Variants in RORB observed in about 807,000 individuals in gnomAD.
The protein encoded by RORB is nuclear receptor ROR-beta.
In RORB, 6 loss-of-function variants were observed where a neutral mutation model predicts 59.1. The ratio of observed to expected loss-of-function variants is 0.10; its 90% CI spans 0.06 to 0.20. The LOEUF is 0.20. Among genes scored for constraint, RORB ranks in the 10% least tolerant of loss-of-function variants. The pLI, the probability that RORB is intolerant of heterozygous loss-of-function variation, is 1.00. For missense variants in RORB, 320 were observed against 560.5 expected (o/e 0.57, Z 4.33); for synonymous variants, 215 against 204.5 (o/e 1.05, Z -0.44).
chr9:74,566,867 G>A (rs1473020314), intron 1 of RORB, among the ~76,000 whole-genome samples: 3 of 152,180 alleles, frequency 2.0e-5, no homozygotes, highest in African/African-American at 7.2e-5. Context: ...AATCAGAGAT[G>A]TCATTAGTAT....
intron 1 of RORB, among the ~76,000 whole-genome samples, chr9:74,592,125 C>T (rs920591590): frequency 1.3e-5 from 2 of 152,116 alleles, no homozygotes; most frequent in African/African-American, 4.8e-5. Context: ...CTTGGATCTC[C>T]TTGGAACCCT....
At chr9:74,677,453 A>C (rs535786562) in intron 9 of RORB, among the ~76,000 whole-genome samples, 29 of 152,358 alleles carry the variant, frequency 1.9e-4, no homozygotes, top group Non-Finnish European at 4.0e-4. Flanking sequence ...TATTTTAGGT[A>C]CTTTGAGTTA....
At chr9:74,550,501 T>G (rs1370240003) in intron 1 of RORB, among the ~76,000 whole-genome samples, 1 of 152,244 alleles carries the variant, frequency 6.6e-6, no homozygotes, top group African/African-American at 2.4e-5. Context: ...TGAGAAATAC[T>G]TTTCCATTAG....
At chr9:74,537,344 A>G (rs1001870883) in intron 1 of RORB, among the ~76,000 whole-genome samples, 24 of 152,058 alleles carry the variant, frequency 1.6e-4, no homozygotes, top group African/African-American at 5.8e-4. Context: ...TTTTCTGCAT[A>G]TGGCTTTCTA....
chr9:74,553,079 C>A (rs1826637339), intron 1 of RORB, among the ~76,000 whole-genome samples: 1 of 151,960 alleles, frequency 6.6e-6, no homozygotes, highest in South Asian at 2.1e-4. Context: ...GGGGAAGGAG[C>A]CTTGATAAAG....
At chr9:74,574,378 T>C (rs1465797681) in intron 1 of RORB, among the ~76,000 whole-genome samples, 1 of 152,156 alleles carries the variant, frequency 6.6e-6, no homozygotes, top group Non-Finnish European at 1.5e-5. Flanking sequence ...TTCAAGATGG[T>C]TTACTTCAAT....
intron 1 of RORB, among the ~76,000 whole-genome samples, chr9:74,590,707 C>T (rs1197924981): frequency 6.6e-6 from 1 of 152,238 alleles, no homozygotes; most frequent in East Asian, 1.9e-4. Context: ...ATTTTGCAGA[C>T]ATACATCGTT....
chr9:74,574,298 C>T (rs1440135772), intron 1 of RORB, among the ~76,000 whole-genome samples: 1 of 152,112 alleles, frequency 6.6e-6, no homozygotes, highest in African/African-American at 2.4e-5. Flanking sequence ...AAAGTATGAT[C>T]TTAATTGACA....
At chr9:74,506,199 G>A (rs183937718) in intron 1 of RORB, among the ~76,000 whole-genome samples, 1 of 152,106 alleles carries the variant, frequency 6.6e-6, no homozygotes. Flanking sequence ...ACCCATTGAA[G>A]TAATAGAGTA....
At chr9:74,674,747 G>A (rs1824408348) in intron 9 of RORB, among the ~76,000 whole-genome samples, 1 of 152,070 alleles carries the variant, frequency 6.6e-6, no homozygotes, top group Non-Finnish European at 1.5e-5. Context: ...AGAGGAGAGA[G>A]TTGGTTAGGG....
intron 1 of RORB, among the ~76,000 whole-genome samples, chr9:74,509,516 A>G (rs1219161352): frequency 2.0e-5 from 3 of 152,236 alleles, no homozygotes; most frequent in East Asian, 3.9e-4. Flanking sequence ...TCAATAGCCA[A>G]CATGCATTTT....
At chr9:74,545,060 T>C (rs1826466416) in intron 1 of RORB, among the ~76,000 whole-genome samples, 2 of 151,846 alleles carry the variant, frequency 1.3e-5, no homozygotes, top group African/African-American at 4.8e-5. Context: ...ACTACAGAAC[T>C]GCAAATTTTC....
chr9:74,657,097 G>A (rs556389212), intron 4 of RORB, among the ~76,000 whole-genome samples: 1 of 152,172 alleles, frequency 6.6e-6, no homozygotes, highest in Non-Finnish European at 1.5e-5. Context: ...CCAGGCTGCA[G>A]TGCAGTGGCC....
intron 1 of RORB, among the ~76,000 whole-genome samples, chr9:74,598,487 T>A (rs1408644930): frequency 1.3e-4 from 20 of 151,848 alleles, no homozygotes; most frequent in Non-Finnish European, 1.5e-5. Context: ...CTTTTTTAAA[T>A]TTTTTTTTAA....
intron 7 of RORB, 21 bp from the exon 8 acceptor site, chr9:74,667,770 A>G (rs554698532): frequency 6.8e-7 from 1 of 1,481,172 alleles, no homozygotes; most frequent in African/African-American, 1.4e-5. Flanking sequence ...TTTTTATTCC[A>G]TTTTTCTTCT....
At chr9:74,571,409 A>G (rs1016864307) in intron 1 of RORB, among the ~76,000 whole-genome samples, 17 of 151,848 alleles carry the variant, frequency 1.1e-4, no homozygotes, top group African/African-American at 3.4e-4. Context: ...TTTAAAAAAA[A>G]AAAAAAAACA....
At chr9:74,625,716 T>G (rs1200050629) in intron 1 of RORB, among the ~76,000 whole-genome samples, 1 of 152,120 alleles carries the variant, frequency 6.6e-6, no homozygotes, top group Non-Finnish European at 1.5e-5. Flanking sequence ...CTTTAAGGAG[T>G]TATAAAAATT....
intron 1 of RORB, among the ~76,000 whole-genome samples, chr9:74,588,515 G>A (rs1822840737): frequency 6.6e-6 from 1 of 152,088 alleles, no homozygotes; most frequent in South Asian, 2.1e-4. Context: ...ATGGAAATAA[G>A]TCTACCTCTC....
chr9:74,561,052 T>C (rs1237985864), intron 1 of RORB, among the ~76,000 whole-genome samples: 1 of 152,082 alleles, frequency 6.6e-6, no homozygotes, highest in African/African-American at 2.4e-5. Context: ...GCCAATAGAT[T>C]CAACTTCCCT....
Sources: gnomAD v4.1 joint callset for allele counts (sites outside exome capture counted in the v4.1 genomes callset) on GRCh38, gnomAD v4.1.1 for gene constraint, MANE v1.5 for transcripts, NCBI Gene and HGNC (gene_info 2026-07-23, HGNC 2026-07-21) for gene names.